The following DHX40 variants were observed in gnomAD, a reference collection of about 807,000 sequenced individuals.
The protein encoded by DHX40 is probable ATP-dependent RNA helicase DHX40.
DHX40 carries 28 observed loss-of-function variants against 89.6 expected under a neutral mutation model. The observed-to-expected ratio is 0.31, with a 90% CI of 0.23 to 0.43. The LOEUF is 0.43. Among genes scored for constraint, DHX40 ranks in the 20% least tolerant of loss-of-function variants. The probability of loss-of-function intolerance (pLI) is 1.00; values close to 1 mark genes in which losing one functional copy is unlikely to be tolerated. For missense variants in DHX40, 457 were observed against 844.0 expected, an observed-to-expected ratio of 0.54 and a Z score of 5.68; for synonymous variants, 226 against 283.6, an observed-to-expected ratio of 0.80 and a Z score of 2.04.
At chr17:59,600,813 T>C (rs1307374017) in intron 14 of DHX40, among the ~76,000 whole-genome samples, 2 of 151,116 alleles carry the variant, frequency 1.3e-5, no homozygotes, top group Non-Finnish European at 2.9e-5. Context: ...CACTACACTC[T>C]AGCCTGGGCA....
intron 12 of DHX40, among the ~76,000 whole-genome samples, chr17:59,589,070 C>T (rs1440133047): frequency 6.6e-6 from 1 of 152,090 alleles, no homozygotes; most frequent in East Asian, 1.9e-4. Context: ...CAATACCACA[C>T]TGTCCTGGTT....
intron 16 of DHX40, 100 bp downstream of exon 16, chr17:59,605,284 A>G (rs1220310452): frequency 7.7e-7 from 1 of 1,307,172 alleles, no homozygotes; most frequent in African/African-American, 1.5e-5. Flanking sequence ...TTAAATTTAC[A>G]TATATCTATA....
At position 59,571,553 on chromosome 17, in the gene DHX40, A is replaced by G. The variant is rs191261369; in HGVS notation, c.426+890A>G. Reference sequence around the variant, plus strand: ...TCATCCCAAACAGAAACTCTTATAGATTAAAACCCCCATTTCTCCCTCCCC... The same window carrying G: ...TCATCCCAAACAGAAACTCTTATAGGTTAAAACCCCCATTTCTCCCTCCCC... On this transcript the variant is annotated intron_variant, in intron 3 of 17. Transcript: ENST00000251241. Among the ~76,000 whole-genome samples the G allele has an allele frequency of 6.6e-5, 10 of 150,980 alleles. No homozygotes were observed. The East Asian group carries it at 1.9e-3, about 29-fold the overall frequency.
At chr17:59,567,074 A>G (rs756167713) in intron 2 of DHX40, among the ~76,000 whole-genome samples, 9 of 152,236 alleles carry the variant, frequency 5.9e-5, no homozygotes, top group Non-Finnish European at 1.2e-4. Flanking sequence ...GTCTAGCAGT[A>G]GACTATTAAC....
chr17:59,601,694 C>G (rs146789336), intron 14 of DHX40, among the ~76,000 whole-genome samples: 1 of 152,066 alleles, frequency 6.6e-6, no homozygotes, highest in Non-Finnish European at 1.5e-5. Flanking sequence ...TTACATCATA[C>G]CTGATAATTT....
chr17:59,588,040 C>G lies in DHX40; in HGVS notation c.1569C>G (p.Val523=), dbSNP rs1294094525. Residue 523 remains valine, a synonymous_variant, in exon 12 of 18, where the codon GTC becomes GTG. Coordinates refer to ENST00000251241, the MANE Select transcript of DHX40 (RefSeq NM_024612.5). ...PIAAMLSVEN[V]FIRPVDPEYQ... is the part of the protein sequence containing the mutation. The stretch of plus-strand genomic sequence containing the variant: ...CAGCAATGTTGTCTGTGGAAAACGT[C>G]TTCATTAGACCTGGTAAGATGTTTA... 5.6e-6 allele frequency: 9 copies of G among 1,613,230 alleles called. No homozygotes were observed. Among genetic ancestry groups the G allele is most frequent in the Non-Finnish European group, 7.6e-6 (9 of 1,179,654 alleles).
At chr17:59,596,888 A>G (rs1248024934) in intron 12 of DHX40, among the ~76,000 whole-genome samples, 2 of 151,922 alleles carry the variant, frequency 1.3e-5, no homozygotes, top group Non-Finnish European at 2.9e-5. Flanking sequence ...TGCTCCCTGG[A>G]TTCAGGCAAC....
rs1390850771 is a variant in DHX40 at position 59,579,594 on chromosome 17, CA to C, written c.1160+38del. On this transcript the variant is annotated intron_variant, in intron 9 of 17. Transcript: ENST00000251241. ...ATGTCAAATCTTTTTATTCAAAGAACAACTGATTAGGTAATTTCTAGCTGTT... is the reference window on the plus strand; with the variant it reads ...ATGTCAAATCTTTTTATTCAAAGAACACTGATTAGGTAATTTCTAGCTGTT... The C allele has an allele frequency of 9.5e-6, 9 of 951,598 alleles. 3 individuals are homozygous for C. Among genetic ancestry groups the C allele is most frequent in the Admixed American group, 5.4e-5 (2 of 37,058 alleles). The allele number at this position is 951,598 out of a possible 1,614,324, so 58.9% of individuals were successfully genotyped here. A position where few individuals can be genotyped will look rare whatever the true frequency, so the allele number is the denominator to read the frequency against.
rs779654894 is a variant in DHX40 at position 59,607,187 on chromosome 17, C to A, written c.*15C>A. ...AAACAGGCTAAGGTGGTGAACCCTC[C>A]AATTCAGGAAGTGGGAAAAGGAGCC... On this transcript the variant is annotated 3_prime_UTR_variant, in exon 18 of 18. Coordinates refer to ENST00000251241, the MANE Select transcript of DHX40 (RefSeq NM_024612.5). 6.2e-7 allele frequency: 1 copy of A among 1,614,138 alleles called. No homozygotes were observed. Among genetic ancestry groups the A allele is most frequent in the Non-Finnish European group, 8.5e-7 (1 of 1,180,030 alleles).
rs569610955 is a variant in DHX40, at chr17:59,603,058, AG to A, written c.1901+446del. The stretch of plus-strand genomic sequence containing the variant: ...GTGAGGAAGGCATCTTTATAGAGAA[AG>A]GGGTAACAGTGATGGTGATGGAGAT... On this transcript the variant is annotated intron_variant, in intron 15 of 17. Transcript: ENST00000251241. Among the ~76,000 whole-genome samples, 44 of 152,140 alleles carry A rather than the reference AG, an allele frequency of 2.9e-4. 1 individual carries two copies. The highest frequency in any genetic ancestry group is 3.7e-4 in the Non-Finnish European group (25 of 68,014).
At chr17:59,570,724 GC>G in intron 3 of DHX40, 61 bp downstream of exon 3, 1 of 1,517,894 alleles carries the variant, frequency 6.6e-7, no homozygotes, top group East Asian at 2.5e-5. Context: ...TTGCTCTGTC[GC>G]CCAGCCTGGA....
chr17:59,586,096 A>G, intron 10 of DHX40, 57 bp from the exon 11 acceptor site: 3 of 1,300,984 alleles, frequency 2.3e-6, no homozygotes, highest in Non-Finnish European at 3.2e-6. Flanking sequence ...ATGTCTATAT[A>G]AAATCCTACC....
rs966838629 is a variant in DHX40 at position 59,590,877 on chromosome 17, G to T, written c.1582+2824G>T. ...ATAAGTAATGTTAACTGGTTTTCATGAGGCAGTATCAGAGCTAAAAATACC... is the reference window on the plus strand; with the variant it reads ...ATAAGTAATGTTAACTGGTTTTCATTAGGCAGTATCAGAGCTAAAAATACC... On this transcript the variant is annotated intron_variant, in intron 12 of 17. Coordinates refer to ENST00000251241, the MANE Select transcript of DHX40 (RefSeq NM_024612.5). Among the ~76,000 whole-genome samples the T allele has an allele frequency of 2.0e-5, 3 of 151,578 alleles. No homozygotes were observed. In the East Asian group the frequency reaches 5.8e-4, roughly 29 times the overall value.
At chr17:59,585,191 G>C (rs2048976244) in intron 10 of DHX40, among the ~76,000 whole-genome samples, 1 of 78,424 alleles carries the variant, frequency 1.3e-5, no homozygotes, top group African/African-American at 6.0e-5. Context: ...CCTGAGGTCA[G>C]GAGTTTGAGA....
chr17:59,570,374 A>C, intron 2 of DHX40, 144 bp from the exon 3 acceptor site: 1 of 544,972 alleles, frequency 1.8e-6, no homozygotes. Flanking sequence ...TCCATGATGC[A>C]AACATAGCAG....
rs2030972498 is a variant in DHX40 at position 59,608,306 on chromosome 17, GTT to G, written c.*1136_*1137del. 1 of 152,552 alleles carries G rather than the reference GTT, an allele frequency of 6.6e-6. No individual in the cohort carries two copies. The highest frequency in any genetic ancestry group is 1.5e-5 in the Non-Finnish European group (1 of 68,044). The allele number at this position is 152,552 out of a possible 1,614,324, so 9.4% of individuals were successfully genotyped here. A position where few individuals can be genotyped will look rare whatever the true frequency, so the allele number is the denominator to read the frequency against. Reference sequence around the variant, plus strand: ...GCTTTGCACATAGTAGTCACTCAGTGTTTGTTAAATAAAGCTATTAGTGTCAT... The same window carrying G: ...GCTTTGCACATAGTAGTCACTCAGTGTGTTAAATAAAGCTATTAGTGTCAT... On this transcript the variant is annotated 3_prime_UTR_variant, in exon 18 of 18. Transcript: ENST00000251241.
intron 7 of DHX40, 175 bp from the exon 8 acceptor site, chr17:59,577,091 G>T: frequency 3.1e-6 from 2 of 645,764 alleles, no homozygotes; most frequent in Non-Finnish European, 2.8e-6. Context: ...GGATGGTCTC[G>T]ATATCCTGAC....
At chr17:59,568,174 G>A (rs1318449439) in intron 2 of DHX40, among the ~76,000 whole-genome samples, 1 of 152,200 alleles carries the variant, frequency 6.6e-6, no homozygotes, top group Non-Finnish European at 1.5e-5. Flanking sequence ...GTTGCAGTGA[G>A]CTGAGACCGT....
intron 12 of DHX40, among the ~76,000 whole-genome samples, chr17:59,591,665 C>T (rs1424303082): frequency 2.0e-5 from 3 of 151,352 alleles, no homozygotes; most frequent in Non-Finnish European, 3.0e-5. Flanking sequence ...GCAGTTTCCG[C>T]AATTTTTAAC....
Sources: allele counts gnomAD v4.1 joint callset (sites outside exome capture counted in the v4.1 genomes callset), GRCh38; gene constraint gnomAD v4.1.1; transcripts MANE v1.5; gene names NCBI Gene and HGNC (gene_info 2026-07-23, HGNC 2026-07-21).